The following CACNG2 variants were observed in gnomAD, a reference collection of about 807,000 sequenced individuals.
The protein encoded by CACNG2 is voltage-dependent calcium channel gamma-2 subunit.
A neutral mutation model predicts 25.9 loss-of-function variants in CACNG2; 3 were observed. That is an observed-to-expected ratio of 0.12 (90% confidence interval 0.05 to 0.30). The LOEUF (loss-of-function observed/expected upper bound fraction) is 0.30. Ranked by LOEUF, CACNG2 falls within the 10% of genes least tolerant of loss-of-function variation. CACNG2 has a pLI of 1.00. For synonymous variants in CACNG2, 167 were observed against 173.3 expected (o/e 0.96, Z 0.29); for missense variants, 341 against 432.5 (o/e 0.79, Z 1.88).
At chr22:36,665,385 C>T (rs994724905) in intron 1 of CACNG2, among the ~76,000 whole-genome samples, 5 of 152,190 alleles carry the variant, frequency 3.3e-5, no homozygotes, top group South Asian at 2.1e-4. Context: ...AGGGTTGTCA[C>T]GAGGATTGAT....
At chr22:36,686,240 C>T (rs1233092782) in intron 1 of CACNG2, among the ~76,000 whole-genome samples, 2 of 152,184 alleles carry the variant, frequency 1.3e-5, no homozygotes, top group African/African-American at 2.4e-5. Flanking sequence ...CAGGGCATAC[C>T]AAGACAACAG....
chr22:36,610,990 C>T (rs1324828249), intron 1 of CACNG2, among the ~76,000 whole-genome samples: 1 of 152,164 alleles, frequency 6.6e-6, no homozygotes, highest in African/African-American at 2.4e-5. Context: ...GTTTGCATTC[C>T]TGTCATTTAA....
chr22:36,589,149 C>T (rs1014869771), intron 1 of CACNG2, among the ~76,000 whole-genome samples: 1 of 152,006 alleles, frequency 6.6e-6, no homozygotes, highest in African/African-American at 2.4e-5. Context: ...TACCAACATG[C>T]CCAGCTAATT....
chr22:36,685,917 G>C (rs750315308), intron 1 of CACNG2, among the ~76,000 whole-genome samples: 2 of 152,196 alleles, frequency 1.3e-5, no homozygotes, highest in Non-Finnish European at 2.9e-5. Flanking sequence ...CTGACTGATT[G>C]GCCTATCCCC....
intron 2 of CACNG2, among the ~76,000 whole-genome samples, chr22:36,576,439 G>T (rs1935313748): frequency 6.6e-6 from 1 of 151,972 alleles, no homozygotes; most frequent in Admixed American, 6.6e-5. Flanking sequence ...GTCCTGCTTG[G>T]ATGATGGGTG....
intron 1 of CACNG2, among the ~76,000 whole-genome samples, chr22:36,642,573 C>T (rs1036772516): frequency 1.3e-5 from 2 of 152,162 alleles, no homozygotes; most frequent in African/African-American, 4.8e-5. Flanking sequence ...TCAGTAAAGC[C>T]CTGTTAGCTT....
At chr22:36,693,826 C>A (rs1453438795) in intron 1 of CACNG2, among the ~76,000 whole-genome samples, 1 of 152,192 alleles carries the variant, frequency 6.6e-6, no homozygotes, top group Non-Finnish European at 1.5e-5. Flanking sequence ...GGCATCCCTT[C>A]CTCCCCAATC....
chr22:36,696,331 C>G (rs186319848), intron 1 of CACNG2, among the ~76,000 whole-genome samples: 1 of 152,172 alleles, frequency 6.6e-6, no homozygotes, highest in East Asian at 1.9e-4. Flanking sequence ...CTCCATCTCT[C>G]TCTCCCTCCT....
rs1377308079 is a variant in CACNG2 at position 36,703,253 on chromosome 22, G to GGCGGCGGCGGCAGGGCGGGCAGGC, written c.-701_-678dup. On this transcript the variant is annotated 5_prime_UTR_variant, in exon 1 of 4. Transcript: ENST00000300105. ...TTGCCCGGGCAGCGGCGGCGGCGGC[G>GGCGGCGGCGGCAGGGCGGGCAGGC]GCGGCGGCGGCAGGGCGGGCAGGCG... The GGCGGCGGCGGCAGGGCGGGCAGGC allele has an allele frequency of 3.8e-5, 6 of 159,034 alleles. No individual in the cohort carries two copies. Among genetic ancestry groups the GGCGGCGGCGGCAGGGCGGGCAGGC allele is most frequent in the Non-Finnish European group, 6.6e-5 (5 of 75,402 alleles). The allele number at this position is 159,034 out of a possible 1,614,324, so 9.9% of individuals were successfully genotyped here.
At chr22:36,698,654 G>C (rs1229287450) in intron 1 of CACNG2, among the ~76,000 whole-genome samples, 1 of 152,176 alleles carries the variant, frequency 6.6e-6, no homozygotes, top group East Asian at 1.9e-4. Flanking sequence ...CCTGGTGGGG[G>C]CAAGAAAGGA....
intron 1 of CACNG2, among the ~76,000 whole-genome samples, chr22:36,594,472 T>C (rs1935642286): frequency 6.6e-6 from 1 of 152,188 alleles, no homozygotes; most frequent in Admixed American, 6.5e-5. Context: ...TTGCAGTCTA[T>C]GATGGCAGAC....
rs75196357 is a variant in CACNG2, at chr22:36,668,977, G to A, written c.211+33389C>T. Among the ~76,000 whole-genome samples the A allele has an allele frequency of 3.2e-4, 49 of 152,264 alleles. No homozygotes were observed. The East Asian group carries it at 9.3e-3, about 29-fold the overall frequency. On this transcript the variant is annotated intron_variant, in intron 1 of 3. Transcript: ENST00000300105. Reference sequence around the variant, plus strand: ...ATGAAGCCTGCCCACATTGGTGAGGGCAGGCCTTCTTTTCTTAGCCTGCTG... The same window carrying A: ...ATGAAGCCTGCCCACATTGGTGAGGACAGGCCTTCTTTTCTTAGCCTGCTG...
At chr22:36,652,694 A>G (rs1352298897) in intron 1 of CACNG2, among the ~76,000 whole-genome samples, 1 of 152,072 alleles carries the variant, frequency 6.6e-6, no homozygotes, top group East Asian at 1.9e-4. Flanking sequence ...AAAGGACCAC[A>G]CCTATGAGAT....
intron 1 of CACNG2, among the ~76,000 whole-genome samples, chr22:36,688,756 C>T (rs1325284573): frequency 6.6e-6 from 1 of 152,196 alleles, no homozygotes; most frequent in African/African-American, 2.4e-5. Context: ...TGGCCATGCT[C>T]TGAAGCCTTG....
intron 1 of CACNG2, among the ~76,000 whole-genome samples, chr22:36,669,384 T>A (rs2145991344): frequency 6.6e-6 from 1 of 151,690 alleles, no homozygotes; most frequent in South Asian, 2.1e-4. Context: ...GGTGGGTGCC[T>A]GTAATCCCAG....
intron 1 of CACNG2, among the ~76,000 whole-genome samples, chr22:36,688,920 C>G (rs1937235928): frequency 6.6e-6 from 1 of 152,184 alleles, no homozygotes. Flanking sequence ...GGGTGCTGCT[C>G]TAGACCAAGT....
At chr22:36,664,797 ATGTT>A (rs1317159583) in intron 1 of CACNG2, among the ~76,000 whole-genome samples, 28 of 152,200 alleles carry the variant, frequency 1.8e-4, no homozygotes, top group African/African-American at 6.3e-4. Flanking sequence ...TCATCTCCTA[ATGTT>A]TACAGAACAA....
chr22:36,622,223 C>T (rs956090356), intron 1 of CACNG2, among the ~76,000 whole-genome samples: 1 of 152,218 alleles, frequency 6.6e-6, no homozygotes, highest in Non-Finnish European at 1.5e-5. Flanking sequence ...ATGTGCTAGG[C>T]ACAAGCTAGT....
chr22:36,609,317 T>C (rs185197796), intron 1 of CACNG2, among the ~76,000 whole-genome samples: 5 of 115,496 alleles, frequency 4.3e-5, no homozygotes, highest in East Asian at 5.5e-4. Flanking sequence ...CAGAGCATGA[T>C]TGAGCAGGAA....
Sources: allele counts gnomAD v4.1 joint callset (sites outside exome capture counted in the v4.1 genomes callset), GRCh38; gene constraint gnomAD v4.1.1; transcripts MANE v1.5; gene names NCBI Gene and HGNC (gene_info 2026-07-23, HGNC 2026-07-21).